Variants in GRM1 observed in about 807,000 individuals in gnomAD.
GRM1 encodes glutamate metabotropic receptor 1.
In GRM1, 33 loss-of-function variants were observed where a neutral mutation model predicts 90.9. The observed-to-expected ratio is 0.36, with a 90% confidence interval of 0.28 to 0.49. GRM1 has a LOEUF of 0.49. Ranked by LOEUF, GRM1 falls within the 20% of genes least tolerant of loss-of-function variation. GRM1 has a pLI of 0.99. For synonymous variants in GRM1, 700 were observed against 613.2 expected, an observed-to-expected ratio of 1.14 and a Z score of -2.09; for missense variants, 1,190 against 1,534.3, an observed-to-expected ratio of 0.78 and a Z score of 3.75.
intron 7 of GRM1, 58 bp from the exon 8 acceptor site, chr6:146,433,814 A>G: frequency 8.1e-7 from 1 of 1,238,930 alleles, no homozygotes; most frequent in East Asian, 2.3e-5. Flanking sequence ...TTTTCTATGT[A>G]TTTTATCCTG....
intron 4 of GRM1, among the ~76,000 whole-genome samples, chr6:146,356,703 T>G (rs999382415): frequency 1.1e-4 from 16 of 152,208 alleles, no homozygotes; most frequent in Non-Finnish European, 1.9e-4. Flanking sequence ...AGTAGTATAA[T>G]CTACTGTTAA....
intron 1 of GRM1, among the ~76,000 whole-genome samples, chr6:146,066,276 G>GTA (rs1180545963): frequency 6.6e-6 from 1 of 152,074 alleles, no homozygotes; most frequent in East Asian, 1.9e-4. Flanking sequence ...TTGTGACTAT[G>GTA]TATACTCAGA....
chr6:146,295,624 C>CT (rs1188770441), intron 2 of GRM1, among the ~76,000 whole-genome samples: 1 of 152,102 alleles, frequency 6.6e-6, no homozygotes, highest in Non-Finnish European at 1.5e-5. Flanking sequence ...GAATAATTGT[C>CT]TTTTAAAAGT....
At chr6:146,423,565 C>T (rs150985596) in intron 7 of GRM1, among the ~76,000 whole-genome samples, 145 of 151,806 alleles carry the variant, frequency 9.6e-4, no homozygotes, top group African/African-American at 3.5e-3. Flanking sequence ...TGCCGGAAGG[C>T]CTCAAAGGAA....
chr6:146,209,145 G>A (rs1779593755), intron 2 of GRM1, among the ~76,000 whole-genome samples: 1 of 152,086 alleles, frequency 6.6e-6, no homozygotes, highest in African/African-American at 2.4e-5. Context: ...GCTAAAGGTT[G>A]GCATGACCAG....
chr6:146,431,375 CT>C (rs968319259), intron 7 of GRM1, among the ~76,000 whole-genome samples: 1 of 152,088 alleles, frequency 6.6e-6, no homozygotes, highest in African/African-American at 2.4e-5. Flanking sequence ...CTTATGGGTG[CT>C]TTTGATTTAA....
intron 2 of GRM1, among the ~76,000 whole-genome samples, chr6:146,294,068 G>C (rs1436698959): frequency 6.6e-6 from 1 of 151,170 alleles, no homozygotes; most frequent in African/African-American, 2.4e-5. Flanking sequence ...GTTTTAGGTT[G>C]GTTGATCATT....
intron 2 of GRM1, among the ~76,000 whole-genome samples, chr6:146,201,041 T>G (rs1779283038): frequency 6.6e-6 from 1 of 152,142 alleles, no homozygotes; most frequent in Non-Finnish European, 1.5e-5. Context: ...GAGATCTGAG[T>G]GGTGCATTTC....
chr6:146,033,580 C>A (rs1239027175), intron 1 of GRM1, among the ~76,000 whole-genome samples: 2 of 151,766 alleles, frequency 1.3e-5, no homozygotes, highest in East Asian at 3.9e-4. Context: ...AGTATTTTGT[C>A]TCAGTTACTT....
chr6:146,152,403 A>G (rs1026025917), intron 1 of GRM1, among the ~76,000 whole-genome samples: 13 of 150,456 alleles, frequency 8.6e-5, no homozygotes, highest in African/African-American at 3.2e-4. Flanking sequence ...GGTAGTTTTT[A>G]TTTTTCATGT....
chr6:146,343,317 C>G (rs992234480), intron 3 of GRM1, among the ~76,000 whole-genome samples: 15 of 152,078 alleles, frequency 9.9e-5, no homozygotes, highest in Admixed American at 3.3e-4. Flanking sequence ...CTTTTTATGG[C>G]TTTTTAAAAA....
chr6:146,050,863 A>G (rs1488381594), intron 1 of GRM1, among the ~76,000 whole-genome samples: 2 of 152,086 alleles, frequency 1.3e-5, no homozygotes, highest in Non-Finnish European at 2.9e-5. Context: ...TGATTGGACC[A>G]AATAAAGCTG....
intron 2 of GRM1, among the ~76,000 whole-genome samples, chr6:146,303,592 C>T (rs915503885): frequency 1.3e-5 from 2 of 152,072 alleles, no homozygotes; most frequent in East Asian, 1.9e-4. Flanking sequence ...TAGTGGTAAA[C>T]CCCTCCCTTC....
intron 3 of GRM1, among the ~76,000 whole-genome samples, chr6:146,330,626 C>A (rs1784556772): frequency 2.0e-5 from 3 of 152,160 alleles, no homozygotes; most frequent in Admixed American, 2.0e-4. Flanking sequence ...TCTGGCAAGT[C>A]TAAAAAATAC....
intron 1 of GRM1, among the ~76,000 whole-genome samples, chr6:146,064,723 G>A (rs1233582655): frequency 6.7e-6 from 1 of 149,542 alleles, no homozygotes; most frequent in Non-Finnish European, 1.5e-5. Flanking sequence ...CCCGAGAGGT[G>A]GAGCTTGCAG....
intron 2 of GRM1, among the ~76,000 whole-genome samples, chr6:146,264,120 T>C (rs1781791664): frequency 1.3e-5 from 2 of 152,126 alleles, no homozygotes; most frequent in African/African-American, 4.8e-5. Flanking sequence ...TTGGAAAGCA[T>C]GATGCTGCAA....
chr6:146,262,595 A>G (rs1781741520), intron 2 of GRM1, among the ~76,000 whole-genome samples: 1 of 151,988 alleles, frequency 6.6e-6, no homozygotes, highest in Non-Finnish European at 1.5e-5. Flanking sequence ...GAATGTATAT[A>G]TTATACACTC....
At chr6:146,306,905 A>T (rs990021960) in intron 3 of GRM1, among the ~76,000 whole-genome samples, 3 of 152,180 alleles carry the variant, frequency 2.0e-5, no homozygotes, top group African/African-American at 7.2e-5. Context: ...GATTAGGGAA[A>T]GTCCAAGAGG....
chr6:146,139,178 G>C (rs1776741464), intron 1 of GRM1, among the ~76,000 whole-genome samples: 2 of 152,010 alleles, frequency 1.3e-5, no homozygotes. Flanking sequence ...GGTCAAAGAA[G>C]ATACTTTTTA....
Sources: gnomAD v4.1 joint callset for allele counts (sites outside exome capture counted in the v4.1 genomes callset) on GRCh38, gnomAD v4.1.1 for gene constraint, MANE v1.5 for transcripts, NCBI Gene and HGNC (gene_info 2026-07-23, HGNC 2026-07-21) for gene names.